The following ADAMTS17 variants were observed in gnomAD, a reference collection of about 807,000 sequenced individuals.
ADAMTS17 encodes A disintegrin and metalloproteinase with thrombospondin motifs 17.
ADAMTS17 carries 113 observed loss-of-function variants against 141.5 expected under a neutral mutation model. The ratio of observed to expected loss-of-function variants is 0.80; its 90% CI spans 0.69 to 0.93. The LOEUF (loss-of-function observed/expected upper bound fraction) is 0.93. Among genes scored for constraint, ADAMTS17 ranks in the 40% least tolerant of loss-of-function variants. ADAMTS17 has a pLI of 0.00. For synonymous variants in ADAMTS17, 768 were observed against 630.6 expected, an observed-to-expected ratio of 1.22 and a Z score of -3.27; for missense variants, 1,659 against 1,517.9, an observed-to-expected ratio of 1.09 and a Z score of -1.54.
chr15:100,048,400 T>C (rs1024447923), intron 18 of ADAMTS17, among the ~76,000 whole-genome samples: 3 of 151,930 alleles, frequency 2.0e-5, no homozygotes, highest in African/African-American at 7.3e-5. Flanking sequence ...GAAGTTCTGA[T>C]GGATCCCGAA....
intron 2 of ADAMTS17, among the ~76,000 whole-genome samples, chr15:100,336,395 T>C (rs893111099): frequency 1.3e-5 from 2 of 152,200 alleles, no homozygotes; most frequent in African/African-American, 4.8e-5. Flanking sequence ...ACTTTCTGAG[T>C]TCTTCCCTCC....
chr15:100,097,820 G>A (rs1453596766), intron 14 of ADAMTS17, among the ~76,000 whole-genome samples: 1 of 152,218 alleles, frequency 6.6e-6, no homozygotes, highest in African/African-American at 2.4e-5. Context: ...GCTACTCAAA[G>A]GAATAGGTGA....
intron 7 of ADAMTS17, among the ~76,000 whole-genome samples, chr15:100,229,880 C>T (rs562850525): frequency 6.6e-6 from 1 of 152,332 alleles, no homozygotes; most frequent in South Asian, 2.1e-4. Context: ...TGAAAGGCCA[C>T]AGCACCTTCC....
Position 100,341,414 on chromosome 15 carries a change from G to A in ADAMTS17, c.80-5C>T. 1.4e-5 allele frequency: 14 copies of A among 1,015,792 alleles called. No individual in the cohort carries two copies. Among genetic ancestry groups the A allele is most frequent in the Non-Finnish European group, 1.6e-5 (14 of 851,536 alleles). 62.9% of individuals were successfully genotyped at this position (1,015,792 alleles called of 1,614,324 possible). On this transcript the variant is annotated splice_polypyrimidine_tract_variant and splice_region_variant and intron_variant, in intron 1 of 21. Transcript: ENST00000268070. ...CGGCCGCCGCGTCGCCGACAGCTGC[G>A]GGGAGAGAGGAGACGCGTCAGCGCG...
At chr15:99,992,975 C>G in intron 20 of ADAMTS17, 73 bp downstream of exon 20, 1 of 1,596,276 alleles carries the variant, frequency 6.3e-7, no homozygotes, top group Non-Finnish European at 8.6e-7. Context: ...GGACCCGTCA[C>G]AAGAGCTGAG....
chr15:100,264,332 TA>T (rs1310548236), intron 4 of ADAMTS17, among the ~76,000 whole-genome samples: 1 of 152,116 alleles, frequency 6.6e-6, no homozygotes, highest in Non-Finnish European at 1.5e-5. Flanking sequence ...AAATTTTCCT[TA>T]AAATATTCAG....
At chr15:99,979,427 G>C (rs1387541382) in intron 20 of ADAMTS17, 1 of 151,756 alleles carries the variant, frequency 6.6e-6, no homozygotes, top group Non-Finnish European at 1.5e-5. Flanking sequence ...AATCTGGTAA[G>C]TAGTTGTACC....
intron 8 of ADAMTS17, among the ~76,000 whole-genome samples, chr15:100,166,857 A>G (rs572914953): frequency 1.4e-4 from 21 of 152,346 alleles, no homozygotes; most frequent in African/African-American, 4.3e-4. Flanking sequence ...TGCACCAGGC[A>G]TTTTGCAGAG....
intron 8 of ADAMTS17, among the ~76,000 whole-genome samples, chr15:100,179,918 G>T (rs531255434): frequency 6.6e-6 from 1 of 152,264 alleles, no homozygotes; most frequent in African/African-American, 2.4e-5. Flanking sequence ...TATGTATTCT[G>T]GTTATTAATC....
intron 15 of ADAMTS17, among the ~76,000 whole-genome samples, chr15:100,054,446 A>T (rs1235352423): frequency 1.3e-5 from 2 of 152,156 alleles, no homozygotes; most frequent in African/African-American, 2.4e-5. Context: ...ATTCCATTTT[A>T]ATGTGTCCCA....
intron 18 of ADAMTS17, among the ~76,000 whole-genome samples, chr15:100,014,631 G>C (rs147579343): frequency 6.6e-6 from 1 of 152,046 alleles, no homozygotes; most frequent in Non-Finnish European, 1.5e-5. Flanking sequence ...ATGCTCATTC[G>C]GGAGCAGGTT....
intron 15 of ADAMTS17, among the ~76,000 whole-genome samples, chr15:100,066,788 G>A (rs112826896): frequency 4.8e-4 from 58 of 121,118 alleles, no homozygotes; most frequent in East Asian, 2.2e-3. Context: ...ACACTTTTCC[G>A]CTGTCTTCCC....
intron 4 of ADAMTS17, among the ~76,000 whole-genome samples, chr15:100,280,771 A>G (rs922322890): frequency 2.0e-5 from 3 of 152,118 alleles, no homozygotes; most frequent in Non-Finnish European, 4.4e-5. Flanking sequence ...TCGGACATAG[A>G]CAGACGTGGG....
intron 7 of ADAMTS17, among the ~76,000 whole-genome samples, chr15:100,232,208 T>G (rs1180163839): frequency 2.0e-5 from 3 of 152,310 alleles, no homozygotes; most frequent in Admixed American, 6.5e-5. Context: ...ATGGAGAACT[T>G]TCCTCACCAG....
rs1226733092 is a variant in ADAMTS17 at position 99,993,706 on chromosome 15, G to A, written c.2797-506C>T. ...CCAGCCGGGAGAAGGAGGAGGAGGCGGCAGAAGGAAGGAAAAGCCACAGAT... is the reference window on the plus strand; with the variant it reads ...CCAGCCGGGAGAAGGAGGAGGAGGCAGCAGAAGGAAGGAAAAGCCACAGAT... On this transcript the variant is annotated intron_variant, in intron 19 of 21. Coordinates refer to ENST00000268070, the MANE Select transcript of ADAMTS17 (RefSeq NM_139057.4). The surrounding 1 kb of genome is among the most constrained non-coding windows in gnomAD (Gnocchi z 4.3). Among the ~76,000 whole-genome samples, 2 of 152,204 alleles carry A rather than the reference G, an allele frequency of 1.3e-5. No individual in the cohort carries two copies. The highest frequency in any genetic ancestry group is 1.9e-4 in the East Asian group (1 of 5,200).
At chr15:100,201,419 C>A (rs1041983498) in intron 7 of ADAMTS17, among the ~76,000 whole-genome samples, 1 of 152,182 alleles carries the variant, frequency 6.6e-6, no homozygotes, top group Non-Finnish European at 1.5e-5. Flanking sequence ...GAGGCCTCCC[C>A]AGCCATGCAG....
chr15:100,165,990 G>C (rs1002238578), intron 8 of ADAMTS17, among the ~76,000 whole-genome samples: 1 of 152,004 alleles, frequency 6.6e-6, no homozygotes, highest in African/African-American at 2.4e-5. Context: ...TCTAATTTGA[G>C]ATTGCACTGA....
chr15:100,059,013 C>T (rs2032892119), intron 15 of ADAMTS17, among the ~76,000 whole-genome samples: 1 of 152,192 alleles, frequency 6.6e-6, no homozygotes, highest in Admixed American at 6.5e-5. Context: ...ATACCCTCAC[C>T]ATGACAGATT....
chr15:100,238,309 C>G (rs191678811), intron 7 of ADAMTS17, among the ~76,000 whole-genome samples: 1 of 152,318 alleles, frequency 6.6e-6, no homozygotes, highest in Non-Finnish European at 1.5e-5. Context: ...TTATCGCCAG[C>G]CTCCATCCAC....
Sources: gnomAD v4.1 joint callset for allele counts (sites outside exome capture counted in the v4.1 genomes callset) on GRCh38, gnomAD v4.1.1 for gene constraint, Gnocchi (gnomAD v3.1) non-coding constraint, MANE v1.5 for transcripts, NCBI Gene and HGNC (gene_info 2026-07-23, HGNC 2026-07-21) for gene names.